The following KCNMA1 variants were observed in gnomAD, a reference collection of about 807,000 sequenced individuals.
KCNMA1 encodes potassium calcium-activated channel subfamily M alpha 1.
KCNMA1 carries 29 observed loss-of-function variants against 140.0 expected under a neutral mutation model. The observed-to-expected ratio is 0.21, with a 90% CI of 0.15 to 0.28. KCNMA1 has a LOEUF of 0.28. Ranked by LOEUF, KCNMA1 falls within the 10% of genes least tolerant of loss-of-function variation. KCNMA1 has a pLI of 1.00. For synonymous variants in KCNMA1, 612 were observed against 611.9 expected, an observed-to-expected ratio of 1.00 and a Z score of 0.00; for missense variants, 880 against 1,602.2, an observed-to-expected ratio of 0.55 and a Z score of 7.70.
At chr10:76,971,311 G>A (rs1026082503) in intron 19 of KCNMA1, among the ~76,000 whole-genome samples, 11 of 152,158 alleles carry the variant, frequency 7.2e-5, no homozygotes, top group Non-Finnish European at 1.2e-4. Context: ...TTAGATGGGG[G>A]AGAAAGTGCC....
At position 77,382,986 on chromosome 10, in the gene KCNMA1, G is replaced by A. The variant is rs1347404493; in HGVS notation, c.540+20876C>T. Among the ~76,000 whole-genome samples, 110 of 58,110 alleles carry A rather than the reference G, an allele frequency of 1.9e-3. 1 individual carries two copies. Among genetic ancestry groups the A allele is most frequent in the African/African-American group, 8.2e-3 (105 of 12,814 alleles). The allele number at this position is 58,110 out of a possible 152,430, so 38.1% of individuals were successfully genotyped here. A position where few individuals can be genotyped will look rare whatever the true frequency, so the allele number is the denominator to read the frequency against. On this transcript the variant is annotated intron_variant, in intron 2 of 27. Coordinates refer to ENST00000286628, the MANE Select transcript of KCNMA1 (RefSeq NM_001161352.2). ...TGTGTGTGTGTGTGTGTGTGTGTGT[G>A]TGTGTGTGTATATATATATATATAT...
At position 77,526,239 on chromosome 10, in the gene KCNMA1, C is replaced by G. The variant is rs186428150; in HGVS notation, c.378+111026G>C. Among the ~76,000 whole-genome samples, 104 of 152,312 alleles carry G rather than the reference C, an allele frequency of 6.8e-4. 3 individuals are homozygous for G. The East Asian group carries it at 0.019, about 27-fold the overall frequency. ...CCATCCATAGTGGAGCCTTTCCTCC[C>G]CCAACTCTGTTCTCTTATGGGAGAT... On this transcript the variant is annotated intron_variant, in intron 1 of 27. Transcript: ENST00000286628.
Position 77,558,998 on chromosome 10 carries a change from G to T in KCNMA1, c.378+78267C>A, listed in dbSNP as rs7902571. Among the ~76,000 whole-genome samples the T allele has an allele frequency of 2.7e-3, 405 of 152,286 alleles. 5 individuals are homozygous for T. Among genetic ancestry groups the T allele is most frequent in the African/African-American group, 9.1e-3 (377 of 41,554 alleles). On this transcript the variant is annotated intron_variant, in intron 1 of 27. Coordinates refer to ENST00000286628, the MANE Select transcript of KCNMA1 (RefSeq NM_001161352.2). ...ATAGCAGTTGCAGTGAAGCTCCAGG[G>T]CTACGCTGGGAGTATGAGTGACTGG... is the stretch of plus-strand genomic sequence containing the variant.
In KCNMA1 at chr10:77,637,648, G is replaced by A; in HGVS notation, c.-6C>T. On this transcript the variant is annotated 5_prime_UTR_variant, in exon 1 of 28. Transcript: ENST00000286628. ...CCGCCGCCACCATTTGCCATAGCTA[G>A]CAACGGGCAGCCGGCGCAGGGGCTC... is the stretch of plus-strand genomic sequence containing the variant. 1 of 1,506,110 alleles carries A rather than the reference G, an allele frequency of 6.6e-7. No homozygotes were observed. The highest frequency in any genetic ancestry group is 8.8e-7 in the Non-Finnish European group (1 of 1,133,834). The allele number at this position is 1,506,110 out of a possible 1,614,324, so 93.3% of individuals were successfully genotyped here.
Position 77,301,704 on chromosome 10 carries a change from C to T in KCNMA1, c.541-50448G>A, listed in dbSNP as rs1025335556. Reference sequence around the variant, plus strand: ...TTCAACTGCACTTCAATTGACGCCCCGGAGGTGGGTAAGCATACATTTCCA... The same window carrying T: ...TTCAACTGCACTTCAATTGACGCCCTGGAGGTGGGTAAGCATACATTTCCA... On this transcript the variant is annotated intron_variant, in intron 2 of 27. Transcript: ENST00000286628. 6.6e-5 allele frequency among the ~76,000 whole-genome samples: 10 copies of T among 151,726 alleles called. No homozygotes were observed. The Middle Eastern group carries it at 0.01, about 155-fold the overall frequency.
intron 23 of KCNMA1, among the ~76,000 whole-genome samples, chr10:76,919,720 A>G (rs2054517683): frequency 6.6e-6 from 1 of 152,068 alleles, no homozygotes. Context: ...TCATCGATAA[A>G]CCACAAATAC....
Position 77,251,188 on chromosome 10 carries a change from T to A in KCNMA1, c.602+7A>T. The A allele has an allele frequency of 6.3e-7, 1 of 1,595,240 alleles. No homozygotes were observed. Among genetic ancestry groups the A allele is most frequent in the Non-Finnish European group, 8.6e-7 (1 of 1,162,948 alleles). On this transcript the variant is annotated splice_region_variant and intron_variant, in intron 3 of 27. Coordinates refer to ENST00000286628, the MANE Select transcript of KCNMA1 (RefSeq NM_001161352.2). ...ACGAGGGCAAGAAAGTATATTTGAA[T>A]ACTCACTTTGATGAATCTATGAAGT...
chr10:77,042,423 T>A (rs1005016327), intron 14 of KCNMA1, among the ~76,000 whole-genome samples: 1 of 152,224 alleles, frequency 6.6e-6, no homozygotes, highest in Non-Finnish European at 1.5e-5. Flanking sequence ...AGTATTAACA[T>A]AATTTGTTTT....
intron 1 of KCNMA1, among the ~76,000 whole-genome samples, chr10:77,499,177 G>A (rs2042932539): frequency 6.6e-6 from 1 of 152,128 alleles, no homozygotes; most frequent in South Asian, 2.1e-4. Context: ...TCTGAAACAA[G>A]ATGTGTTATG....
At chr10:76,948,391 A>T (rs945989232) in intron 22 of KCNMA1, among the ~76,000 whole-genome samples, 4 of 152,254 alleles carry the variant, frequency 2.6e-5, no homozygotes, top group African/African-American at 9.6e-5. Context: ...GATGTGGAGA[A>T]TTACATCAAA....
At chr10:76,949,429 G>A in intron 21 of KCNMA1, 63 bp from the exon 22 acceptor site, 1 of 1,297,482 alleles carries the variant, frequency 7.7e-7, no homozygotes, top group Admixed American at 1.9e-5. Flanking sequence ...TGTAAGGAGT[G>A]AAATAAATCA....
At chr10:77,090,893 G>A in intron 9 of KCNMA1, 1 of 303,238 alleles carries the variant, frequency 3.3e-6, no homozygotes, top group Non-Finnish European at 6.4e-6. Context: ...CCTCCGGGGA[G>A]ATTTACTGTA....
At chr10:77,325,881 C>A (rs1421860664) in intron 2 of KCNMA1, among the ~76,000 whole-genome samples, 2 of 152,130 alleles carry the variant, frequency 1.3e-5, no homozygotes, top group Non-Finnish European at 2.9e-5. Flanking sequence ...TAATGTAAAG[C>A]CAAACCCTTA....
chr10:77,557,921 A>G (rs1279574037), intron 1 of KCNMA1, among the ~76,000 whole-genome samples: 1 of 152,138 alleles, frequency 6.6e-6, no homozygotes. Context: ...TCTTTACACC[A>G]TTCTCTAAGC....
At chr10:77,595,424 G>A (rs1341636902) in intron 1 of KCNMA1, among the ~76,000 whole-genome samples, 2 of 150,474 alleles carry the variant, frequency 1.3e-5, no homozygotes, top group Admixed American at 1.3e-4. Context: ...CCCAGTAATA[G>A]GATAAAAATG....
chr10:77,489,492 T>C (rs1046143213), intron 1 of KCNMA1, among the ~76,000 whole-genome samples: 9 of 152,028 alleles, frequency 5.9e-5, no homozygotes, highest in African/African-American at 9.7e-5. Context: ...CCCGCTACCA[T>C]ACCCGGCTAA....
intron 14 of KCNMA1, among the ~76,000 whole-genome samples, chr10:77,052,318 G>T (rs1051969810): frequency 1.3e-5 from 2 of 152,146 alleles, no homozygotes; most frequent in Admixed American, 6.5e-5. Context: ...TGATAAGGGA[G>T]AAGTTGATAT....
At chr10:76,946,795 A>T (rs1431248674) in intron 22 of KCNMA1, among the ~76,000 whole-genome samples, 2 of 152,220 alleles carry the variant, frequency 1.3e-5, no homozygotes, top group African/African-American at 4.8e-5. Context: ...ATCCCTGTGC[A>T]GTTGTACACA....
chr10:77,328,263 G>A (rs976630893), intron 2 of KCNMA1, among the ~76,000 whole-genome samples: 2 of 152,182 alleles, frequency 1.3e-5, no homozygotes, highest in Non-Finnish European at 2.9e-5. Flanking sequence ...TAATGATGCT[G>A]AAGAACAAGT....
Sources: gnomAD v4.1 joint callset for allele counts (sites outside exome capture counted in the v4.1 genomes callset) on GRCh38, gnomAD v4.1.1 for gene constraint, MANE v1.5 for transcripts, NCBI Gene and HGNC (gene_info 2026-07-23, HGNC 2026-07-21) for gene names.